TRPC5: variants seen among roughly 807,000 people sequenced by gnomAD.
TRPC5 encodes the protein transient receptor potential cation channel subfamily C member 5.
TRPC5 carries 9 observed loss-of-function variants against 56.5 expected under a neutral mutation model. The ratio of observed to expected loss-of-function variants is 0.16; its 90% CI spans 0.10 to 0.28. The LOEUF is 0.28. Among genes scored for constraint, TRPC5 ranks in the 10% least tolerant of loss-of-function variants. The pLI is 1.00. For missense variants in TRPC5, 469 were observed against 748.9 expected, an observed-to-expected ratio of 0.63 and a Z score of 4.36; for synonymous variants, 282 against 278.5, an observed-to-expected ratio of 1.01 and a Z score of -0.13.
chrX:112,077,869 A>G (rs548832401), intron 1 of TRPC5, among the ~76,000 whole-genome samples: 2 of 110,421 alleles, frequency 1.8e-5, no homozygotes, highest in African/African-American at 6.6e-5. Flanking sequence ...TATCTTTTCT[A>G]TTTTCTTTGT....
rs956071783 is a variant in TRPC5, at chrX:111,774,632, T to A, written c.*1681A>T. 3 of 110,837 alleles carry A rather than the reference T, an allele frequency of 2.7e-5. No homozygotes were observed. The highest frequency in any genetic ancestry group is 9.8e-5 in the African/African-American group (3 of 30,521). 9.1% of individuals were successfully genotyped at this position (110,837 alleles called of 1,213,427 possible). ...AAAACCTCCTCCTATTTCTGGCCCC[T>A]CCCCCTCCATTTTGCTCTTCTCCAG... On this transcript the variant is annotated 3_prime_UTR_variant, in exon 11 of 11. Coordinates refer to ENST00000262839, the MANE Select transcript of TRPC5 (RefSeq NM_012471.3).
chrX:111,961,178 T>A (rs1230488097), intron 1 of TRPC5, among the ~76,000 whole-genome samples: 3 of 112,429 alleles, frequency 2.7e-5, no homozygotes, highest in Non-Finnish European at 5.6e-5. Flanking sequence ...TTCTTTTTAC[T>A]ATTTTTGTAA....
At chrX:111,919,304 A>C (rs1926062674) in intron 2 of TRPC5, among the ~76,000 whole-genome samples, 1 of 111,985 alleles carries the variant, frequency 8.9e-6, no homozygotes, top group Non-Finnish European at 1.9e-5. Context: ...ATAGGTGGGG[A>C]CAAATAAGGG....
intron 1 of TRPC5, among the ~76,000 whole-genome samples, chrX:111,988,963 T>C (rs1394214022): frequency 8.9e-6 from 1 of 112,070 alleles, no homozygotes; most frequent in Non-Finnish European, 1.9e-5. Flanking sequence ...ATATGGAAAG[T>C]AGCATTACTA....
intron 1 of TRPC5, among the ~76,000 whole-genome samples, chrX:111,978,442 G>T (rs1255668505): frequency 1.8e-5 from 2 of 111,285 alleles, no homozygotes; most frequent in African/African-American, 6.5e-5. Flanking sequence ...GGTAATGTTG[G>T]TCAAAGGGTA....
At chrX:111,847,473 A>G in intron 5 of TRPC5, 37 bp from the exon 6 acceptor site, 2 of 1,137,547 alleles carry the variant, frequency 1.8e-6, no homozygotes, top group Non-Finnish European at 2.4e-6. Flanking sequence ...TGAGGGGTAC[A>G]GTGAACATTT....
At chrX:111,945,130 C>G (rs1006294766) in intron 2 of TRPC5, among the ~76,000 whole-genome samples, 1 of 109,914 alleles carries the variant, frequency 9.1e-6, no homozygotes, top group African/African-American at 3.3e-5. Context: ...ATGTGCACAA[C>G]AATTGATTTA....
chrX:111,831,965 G>A (rs934998425), intron 7 of TRPC5, among the ~76,000 whole-genome samples: 1 of 111,649 alleles, frequency 9.0e-6, no homozygotes, highest in African/African-American at 3.3e-5. Context: ...TATACATCAG[G>A]GACAGCAGTG....
At chrX:111,985,884 T>G (rs1160771614) in intron 1 of TRPC5, among the ~76,000 whole-genome samples, 1 of 111,735 alleles carries the variant, frequency 8.9e-6, no homozygotes, top group African/African-American at 3.2e-5. Flanking sequence ...ACTTGGCCCC[T>G]GCCACACCAG....
chrX:112,001,561 A>G (rs183969153), intron 1 of TRPC5, among the ~76,000 whole-genome samples: 22 of 111,925 alleles, frequency 2.0e-4, no homozygotes, highest in Admixed American at 6.6e-4. Context: ...GGAGTTCGAG[A>G]CCAGCCTGGC....
At chrX:111,825,203 CTTTCTTTCTTTCTTTCTTCTTTCTT>C (rs1922180015) in intron 7 of TRPC5, among the ~76,000 whole-genome samples, 2 of 69,952 alleles carry the variant, frequency 2.9e-5, no homozygotes, top group Non-Finnish European at 2.8e-5. Flanking sequence ...TTCTTTCTTT[CTTTCTTTCTTTCTTTCTTCTTTCTT>C]TCTCTCTCTC....
At chrX:111,943,878 C>G (rs1258965672) in intron 2 of TRPC5, among the ~76,000 whole-genome samples, 2 of 112,113 alleles carry the variant, frequency 1.8e-5, no homozygotes, top group African/African-American at 6.5e-5. Flanking sequence ...ACTGGTGGTG[C>G]CTTGTGAGGA....
intron 3 of TRPC5, among the ~76,000 whole-genome samples, chrX:111,875,286 C>A (rs976847395): frequency 8.1e-5 from 9 of 111,606 alleles, no homozygotes; most frequent in African/African-American, 2.9e-4. Flanking sequence ...ACTTAAATAC[C>A]AAATACCTGT....
At chrX:111,937,378 G>C (rs1282471047) in intron 2 of TRPC5, among the ~76,000 whole-genome samples, 8 of 102,127 alleles carry the variant, frequency 7.8e-5, no homozygotes, top group African/African-American at 3.0e-4. Context: ...TTTGGCTTTT[G>C]TTGCCATTGC....
At position 111,776,700 on chromosome X, in the gene TRPC5, C is replaced by G. The variant is rs768058171; in HGVS notation, c.2535G>C (p.Leu845=). The stretch of plus-strand genomic sequence containing the variant: ...CATTAAATTTGGAGAATAGGAGACC[C>G]AGTTTCTTGAGAGAAGGACCCATGA... The part of the protein sequence containing the change: ...RSFMGPSLKK[L]GLLFSKFNGH... The change falls in exon 11 of 11, where the codon CTG becomes CTC. Residue 845 remains leucine, a synonymous_variant. Transcript: ENST00000262839. 8.3e-7 allele frequency: 1 copy of G among 1,211,652 alleles called. No homozygotes were observed. Among genetic ancestry groups the G allele is most frequent in the South Asian group, 1.8e-5 (1 of 56,950 alleles).
At chrX:111,885,763 T>A (rs1357872280) in intron 3 of TRPC5, among the ~76,000 whole-genome samples, 1 of 111,072 alleles carries the variant, frequency 9.0e-6, no homozygotes, top group Admixed American at 9.6e-5. Context: ...TAAATCTATG[T>A]TTAAACTCAA....
chrX:111,781,844 C>T lies in TRPC5; in HGVS notation c.2100+91G>A, dbSNP rs756860850. On this transcript the variant is annotated intron_variant, in intron 8 of 10. Coordinates refer to ENST00000262839, the MANE Select transcript of TRPC5 (RefSeq NM_012471.3). ...CAGGCAGCAGAGGTTGGCAGTGACC[C>T]GAGACCGTGCCACTGCACTCCAGCC... The T allele has an allele frequency of 1.5e-5, 13 of 843,744 alleles. No homozygotes were observed. The East Asian group carries it at 2.0e-4, about 13-fold the overall frequency. 69.5% of individuals were successfully genotyped at this position (843,744 alleles called of 1,213,427 possible). A position where few individuals can be genotyped will look rare whatever the true frequency, so the allele number is the denominator to read the frequency against.
At chrX:111,947,445 T>C (rs2148636240) in intron 2 of TRPC5, among the ~76,000 whole-genome samples, 1 of 111,585 alleles carries the variant, frequency 9.0e-6, no homozygotes, top group African/African-American at 3.3e-5. Context: ...CAAGCGATTC[T>C]CCTGTCTCAG....
chrX:111,823,445 G>A (rs1404361189), intron 7 of TRPC5, among the ~76,000 whole-genome samples: 3 of 111,878 alleles, frequency 2.7e-5, no homozygotes, highest in African/African-American at 9.8e-5. Context: ...GTCTGGCAAA[G>A]AACAAGGCTG....
Sources: allele counts gnomAD v4.1 joint callset (sites outside exome capture counted in the v4.1 genomes callset), GRCh38; gene constraint gnomAD v4.1.1; transcripts MANE v1.5; gene names NCBI Gene and HGNC (gene_info 2026-07-23, HGNC 2026-07-21).